Variants in PPP1CC observed in about 807,000 individuals in gnomAD.
PPP1CC encodes the protein protein phosphatase 1 catalytic subunit gamma, also known as serine/threonine-protein phosphatase PP1-gamma catalytic subunit.
A neutral mutation model predicts 38.4 loss-of-function variants in PPP1CC; 16 were observed. The ratio of observed to expected loss-of-function variants is 0.42; its 90% CI spans 0.28 to 0.63. The LOEUF is 0.63. PPP1CC is among the 30% of genes least tolerant of loss of function. The pLI, the probability that PPP1CC is intolerant of heterozygous loss-of-function variation, is 0.25. For synonymous variants in PPP1CC, 158 were observed against 136.0 expected (o/e 1.16, Z -1.13); for missense variants, 170 against 391.3 (o/e 0.43, Z 4.77).
chr12:110,708,576 T>A, the PPP1CC span, among the ~76,000 whole-genome samples: 1 of 152,120 alleles, frequency 6.6e-6, no homozygotes, highest in Non-Finnish European at 1.5e-5. Context: ...GGTCTGGGCA[T>A]GGTGGCTTAC....
chr12:110,716,538 A>T (rs2069689294), downstream of PPP1CC, among the ~76,000 whole-genome samples: 1 of 151,986 alleles, frequency 6.6e-6, no homozygotes, highest in African/African-American at 2.4e-5. Context: ...TTTTCAATGG[A>T]GACAGGATTT....
Position 110,720,086 on chromosome 12 carries a change from C to T in PPP1CC, c.*990G>A. ...TTCCTTTGTTTTAACTTATAAGCCT[C>T]AACTTCACCGCAGAATAAAGAATGT... On this transcript the variant is annotated 3_prime_UTR_variant, in exon 7 of 7. Transcript: ENST00000335007. 1 of 1,491,820 alleles carries T rather than the reference C, an allele frequency of 6.7e-7. No homozygotes were observed. The highest frequency in any genetic ancestry group is 1.2e-5 in the South Asian group (1 of 82,322). The allele number at this position is 1,491,820 out of a possible 1,614,324, so 92.4% of individuals were successfully genotyped here.
rs115463301 is a variant in PPP1CC, at chr12:110,742,414, C to T, written c.55+239G>A. Among the ~76,000 whole-genome samples, 1,370 of 152,272 alleles carry T rather than the reference C, an allele frequency of 9.0e-3. 27 individuals are homozygous for T. Among genetic ancestry groups the T allele is most frequent in the African/African-American group, 0.032 (1,315 of 41,560 alleles). Reference sequence around the variant, plus strand: ...TTCAAATTCCACGGCCGGGAGGAAGCCTGCATCCTCGTGCAATGAATGAGC... The same window carrying T: ...TTCAAATTCCACGGCCGGGAGGAAGTCTGCATCCTCGTGCAATGAATGAGC... On this transcript the variant is annotated intron_variant, in intron 1 of 6. Coordinates refer to ENST00000335007, the MANE Select transcript of PPP1CC (RefSeq NM_002710.4).
intron 6 of PPP1CC, chr12:110,721,414 A>G: frequency 3.9e-5 from 13 of 336,184 alleles, no homozygotes; most frequent in Middle Eastern, 8.4e-4. Flanking sequence ...AATCTTCTGA[A>G]GTCTACACCT....
the PPP1CC span, among the ~76,000 whole-genome samples, chr12:110,710,562 CAA>C: frequency 6.6e-6 from 1 of 150,834 alleles, no homozygotes; most frequent in African/African-American, 2.4e-5. Context: ...ACTAAAAATA[CAA>C]AAAATTAGCT....
At chr12:110,719,138 A>G (rs892775274), downstream of PPP1CC, among the ~76,000 whole-genome samples, 6 of 152,258 alleles carry the variant, frequency 3.9e-5, no homozygotes, top group Non-Finnish European at 8.8e-5. Context: ...ATTATCATTC[A>G]CTGTTTTCTT....
intron 3 of PPP1CC, among the ~76,000 whole-genome samples, chr12:110,729,265 G>A (rs564591166): frequency 6.8e-6 from 1 of 147,954 alleles, no homozygotes; most frequent in South Asian, 2.1e-4. Context: ...TGTGATTTTG[G>A]CTCACTGCAA....
chr12:110,714,414 C>T, the PPP1CC span, among the ~76,000 whole-genome samples: 1 of 152,044 alleles, frequency 6.6e-6, no homozygotes, highest in Non-Finnish European at 1.5e-5. Context: ...GGGTCCTTCA[C>T]TTATGCTGGA....
chr12:110,737,497 AAAAAG>A (rs1555244770), intron 1 of PPP1CC, among the ~76,000 whole-genome samples: 10 of 147,614 alleles, frequency 6.8e-5, no homozygotes, highest in South Asian at 2.1e-4. Context: ...AAAAAAAAAA[AAAAAG>A]AAAAGAAAAG....
At chr12:110,732,969 A>T (rs990065708) in intron 1 of PPP1CC, 1 of 152,238 alleles carries the variant, frequency 6.6e-6, no homozygotes, top group African/African-American at 2.4e-5. Flanking sequence ...ATATGTAACT[A>T]AGTCTCGTTC....
At chr12:110,740,726 ATTAC>A (rs1316916380) in intron 1 of PPP1CC, among the ~76,000 whole-genome samples, 1 of 152,242 alleles carries the variant, frequency 6.6e-6, no homozygotes, top group Non-Finnish European at 1.5e-5. Context: ...TAGATGTATC[ATTAC>A]TTACCAGGCA....
At chr12:110,731,652 T>G (rs889566648) in intron 2 of PPP1CC, 118 bp downstream of exon 2, 16 of 1,165,042 alleles carry the variant, frequency 1.4e-5, no homozygotes, top group Non-Finnish European at 1.9e-5. Flanking sequence ...TTTTAAGTAG[T>G]TCCAAGCTAT....
intron 1 of PPP1CC, among the ~76,000 whole-genome samples, chr12:110,737,495 AAAAAAAG>A (rs1448086413): frequency 1.3e-5 from 2 of 150,830 alleles, no homozygotes; most frequent in East Asian, 3.9e-4. Flanking sequence ...AAAAAAAAAA[AAAAAAAG>A]AAAAGAAAAG....
chr12:110,736,148 G>C (rs887280069), intron 1 of PPP1CC, among the ~76,000 whole-genome samples: 9 of 152,094 alleles, frequency 5.9e-5, no homozygotes, highest in African/African-American at 2.2e-4. Context: ...TAGACCTAAG[G>C]ATGTGACTTT....
intron 1 of PPP1CC, among the ~76,000 whole-genome samples, chr12:110,734,305 T>C (rs1709024061): frequency 6.6e-6 from 1 of 152,220 alleles, no homozygotes. Flanking sequence ...TTAAGTAGTG[T>C]TGACTGGTGG....
At chr12:110,726,321 C>T (rs1403512288) in intron 3 of PPP1CC, 1 of 152,190 alleles carries the variant, frequency 6.6e-6, no homozygotes, top group Non-Finnish European at 1.5e-5. Context: ...TATCTTTTCT[C>T]CTAATAATTT....
At chr12:110,717,247 T>C (rs767681714), downstream of PPP1CC, among the ~76,000 whole-genome samples, 111 of 152,316 alleles carry the variant, frequency 7.3e-4, 1 homozygote, top group Middle Eastern at 6.8e-3. Context: ...GGTGCCATGT[T>C]CTTCCAGTCT....
chr12:110,741,195 GT>G (rs141619880), intron 1 of PPP1CC, among the ~76,000 whole-genome samples: 14 of 147,736 alleles, frequency 9.5e-5, no homozygotes, highest in East Asian at 2.0e-4. Context: ...TTTTTTTGTT[GT>G]TTTTTTTTTA....
chr12:110,709,431 T>C, the PPP1CC span, among the ~76,000 whole-genome samples: 1 of 151,974 alleles, frequency 6.6e-6, no homozygotes, highest in African/African-American at 2.4e-5. Context: ...AGTTTCACTA[T>C]ATTGGCCAGG....
Sources: allele counts gnomAD v4.1 joint callset (sites outside exome capture counted in the v4.1 genomes callset), GRCh38; gene constraint gnomAD v4.1.1; transcripts MANE v1.5; gene names NCBI Gene and HGNC (gene_info 2026-07-23, HGNC 2026-07-21).